The following MYO18B variants were observed in gnomAD, a reference collection of about 807,000 sequenced individuals.
The protein encoded by MYO18B is unconventional myosin-XVIIIb.
MYO18B carries 204 observed loss-of-function variants against 273.0 expected under a neutral mutation model. The ratio of observed to expected loss-of-function variants is 0.75; its 90% CI spans 0.67 to 0.84. The LOEUF (loss-of-function observed/expected upper bound fraction) is 0.84, where lower values mean the gene tolerates loss of function less well. Ranked by LOEUF, MYO18B falls within the 40% of genes least tolerant of loss-of-function variation. The pLI is 0.00. For missense variants in MYO18B, 3,212 were observed against 3,287.6 expected (o/e 0.98, Z 0.56); for synonymous variants, 1,330 against 1,305.7 (o/e 1.02, Z -0.40).
chr22:25,796,965 C>T (rs528835802), intron 11 of MYO18B, among the ~76,000 whole-genome samples: 10 of 152,296 alleles, frequency 6.6e-5, no homozygotes, highest in South Asian at 6.2e-4. Flanking sequence ...TGGTGGCTCA[C>T]GCCTGTAATC....
intron 12 of MYO18B, among the ~76,000 whole-genome samples, chr22:25,822,157 G>C (rs547479817): frequency 6.6e-6 from 1 of 152,176 alleles, no homozygotes; most frequent in Non-Finnish European, 1.5e-5. Flanking sequence ...CAGCCACACT[G>C]GTTTGCTTGG....
chr22:25,975,796 G>A (rs2093082961), intron 39 of MYO18B, among the ~76,000 whole-genome samples: 1 of 152,176 alleles, frequency 6.6e-6, no homozygotes, highest in Non-Finnish European at 1.5e-5. Flanking sequence ...CAGCAACCAG[G>A]TGATACTGAT....
chr22:26,014,035 G>C (rs1935116424), intron 42 of MYO18B, among the ~76,000 whole-genome samples: 1 of 151,954 alleles, frequency 6.6e-6, no homozygotes, highest in South Asian at 2.1e-4. Context: ...TTTCCTTTAT[G>C]GTTGGTGCTC....
At chr22:25,810,827 C>A (rs2088715992) in intron 12 of MYO18B, among the ~76,000 whole-genome samples, 1 of 152,078 alleles carries the variant, frequency 6.6e-6, no homozygotes, top group South Asian at 2.1e-4. Flanking sequence ...CCCCACAGCT[C>A]TCCCTATTAC....
chr22:25,973,848 A>C (rs2093061150), intron 39 of MYO18B, among the ~76,000 whole-genome samples: 1 of 152,148 alleles, frequency 6.6e-6, no homozygotes, highest in Non-Finnish European at 1.5e-5. Context: ...TTTTGAACTC[A>C]CACATGACTT....
intron 39 of MYO18B, among the ~76,000 whole-genome samples, chr22:25,988,228 G>C (rs2093223606): frequency 6.6e-6 from 1 of 151,994 alleles, no homozygotes; most frequent in African/African-American, 2.4e-5. Flanking sequence ...GAGACTGTTT[G>C]GGGCACTGCG....
chr22:25,868,407 C>G, intron 22 of MYO18B, 22 bp downstream of exon 22: 1 of 1,570,872 alleles, frequency 6.4e-7, no homozygotes. Context: ...TGCTTTCTTA[C>G]AACATTCGCC....
chr22:26,050,512 A>C, the MYO18B span, among the ~76,000 whole-genome samples: 1 of 152,204 alleles, frequency 6.6e-6, no homozygotes, highest in Non-Finnish European at 1.5e-5. Context: ...CTATTTGAAC[A>C]GATGAGGATC....
Position 25,903,687 on chromosome 22 carries a change from T to C in MYO18B, c.5004T>C (p.His1668=). The part of the protein sequence containing the change: ...LKQQVEMLQD[H]KRELLGSPSL... Reference sequence around the variant, plus strand: ...AGCAGGTGGAGATGCTACAGGACCATAAACGGGAGCTGCTGGGGTCACCCT... The same window carrying C: ...AGCAGGTGGAGATGCTACAGGACCACAAACGGGAGCTGCTGGGGTCACCCT... Residue 1668 remains histidine (H), a synonymous_variant, in exon 31 of 44, where the codon CAT becomes CAC. Coordinates refer to ENST00000335473, the MANE Select transcript of MYO18B (RefSeq NM_032608.7). 1 of 1,610,064 alleles carries C rather than the reference T, an allele frequency of 6.2e-7. No individual in the cohort carries two copies. The highest frequency in any genetic ancestry group is 1.3e-5 in the African/African-American group (1 of 74,956).
intron 34 of MYO18B, among the ~76,000 whole-genome samples, chr22:25,923,359 G>A (rs1601586306): frequency 6.6e-6 from 1 of 152,146 alleles, no homozygotes. Flanking sequence ...AGGATGGCTG[G>A]TCATTCTATC....
intron 33 of MYO18B, among the ~76,000 whole-genome samples, chr22:25,911,586 C>T (rs1292257217): frequency 6.6e-6 from 1 of 152,220 alleles, no homozygotes; most frequent in Non-Finnish European, 1.5e-5. Context: ...GGGTCCTCAA[C>T]TGCATCACTA....
rs781473899 is a variant in MYO18B at position 25,769,433 on chromosome 22, G to A, written c.1512+5G>A. The stretch of plus-strand genomic sequence containing the variant: ...CAGAGCAGAGACTCAGACCAGGTGA[G>A]GGGGCTGCGGCCCTGGGAGCGGGAA... On this transcript the variant is annotated splice_donor_5th_base_variant and intron_variant, in intron 4 of 43. Coordinates refer to ENST00000335473, the MANE Select transcript of MYO18B (RefSeq NM_032608.7). The A allele has an allele frequency of 7.3e-5, 110 of 1,515,284 alleles. 1 individual carries two copies. The South Asian group carries it at 8.8e-4, about 12-fold the overall frequency. The allele number at this position is 1,515,284 out of a possible 1,614,324, so 93.9% of individuals were successfully genotyped here. A position where few individuals can be genotyped will look rare whatever the true frequency, so the allele number is the denominator to read the frequency against.
chr22:25,983,408 A>T (rs181525684), intron 39 of MYO18B: 3 of 152,206 alleles, frequency 2.0e-5, no homozygotes, highest in African/African-American at 7.2e-5. Context: ...ATGTCTTACA[A>T]CTTTTTCCTC....
rs556688211 is a variant in MYO18B at position 25,846,234 on chromosome 22, T to A, written c.3503T>A (p.Leu1168His). 23 of 1,612,270 alleles carry A rather than the reference T, an allele frequency of 1.4e-5. No individual in the cohort carries two copies. Among genetic ancestry groups the A allele is most frequent in the Admixed American group, 1.2e-4 (7 of 59,994 alleles). Residue 1168 changes from leucine to histidine, a missense_variant, in exon 19 of 44, where the codon CTT becomes CAT. By Grantham distance (99) the Leu-to-His change is moderately conservative. Coordinates refer to ENST00000335473, the MANE Select transcript of MYO18B (RefSeq NM_032608.7). Reference sequence around the variant, plus strand: ...GTGAGGAGGACCTTTGCCAGCAGCCTTGCCGCGGTGAGGAGGAAAGCCCCG... The same window carrying A: ...GTGAGGAGGACCTTTGCCAGCAGCCATGCCGCGGTGAGGAGGAAAGCCCCG... ...RMVRRTFASS[L>H]AAVRRKAPCS... is the part of the protein sequence containing the mutation.
At chr22:25,932,106 A>G (rs1331997404) in intron 34 of MYO18B, among the ~76,000 whole-genome samples, 1 of 152,178 alleles carries the variant, frequency 6.6e-6, no homozygotes, top group Admixed American at 6.5e-5. Context: ...GATGGATGGA[A>G]CTGAGATTTA....
At chr22:25,774,232 C>T (rs1449651450) in intron 7 of MYO18B, among the ~76,000 whole-genome samples, 2 of 152,118 alleles carry the variant, frequency 1.3e-5, no homozygotes, top group Non-Finnish European at 2.9e-5. Context: ...TCAGTCACTC[C>T]CAGGGGCTCT....
At chr22:25,988,378 G>A (rs2093224927) in intron 39 of MYO18B, among the ~76,000 whole-genome samples, 1 of 152,118 alleles carries the variant, frequency 6.6e-6, no homozygotes, top group African/African-American at 2.4e-5. Flanking sequence ...CGCCCACTGA[G>A]TCTGATGCTT....
chr22:25,977,585 A>C (rs2093104877), intron 39 of MYO18B, among the ~76,000 whole-genome samples: 1 of 152,180 alleles, frequency 6.6e-6, no homozygotes, highest in Admixed American at 6.5e-5. Context: ...CTGGGGCATT[A>C]CAATAGTTTG....
intron 40 of MYO18B, among the ~76,000 whole-genome samples, chr22:26,001,189 C>T (rs1933920498): frequency 6.6e-6 from 1 of 152,010 alleles, no homozygotes; most frequent in African/African-American, 2.4e-5. Flanking sequence ...AAACTATTGG[C>T]CTAGTAAATG....
Sources: allele counts gnomAD v4.1 joint callset (sites outside exome capture counted in the v4.1 genomes callset), GRCh38; gene constraint gnomAD v4.1.1; transcripts MANE v1.5; gene names NCBI Gene and HGNC (gene_info 2026-07-23, HGNC 2026-07-21).